HDAC9: variants seen among roughly 807,000 people sequenced by gnomAD.
The protein encoded by HDAC9 is MEF-2 interacting transcription repressor (MITR) protein.
HDAC9 carries 41 observed loss-of-function variants against 139.4 expected under a neutral mutation model. The ratio of observed to expected loss-of-function variants is 0.29; its 90% CI spans 0.23 to 0.38. The LOEUF is 0.38. HDAC9 is among the 10% of genes least tolerant of loss of function. The probability of loss-of-function intolerance (pLI) is 1.00; values close to 1 mark genes in which losing one functional copy is unlikely to be tolerated. For synonymous variants in HDAC9, 517 were observed against 476.2 expected (o/e 1.09, Z -1.12); for missense variants, 1,147 against 1,297.0 (o/e 0.88, Z 1.78).
chr7:18,931,581 C>G (rs1452967521), intron 22 of HDAC9, among the ~76,000 whole-genome samples: 1 of 152,138 alleles, frequency 6.6e-6, no homozygotes, highest in East Asian at 1.9e-4. Flanking sequence ...TCATCCTGTT[C>G]ATGGTGAACA....
At chr7:18,382,453 A>G (rs372785905) in intron 1 of HDAC9, among the ~76,000 whole-genome samples, 20 of 152,382 alleles carry the variant, frequency 1.3e-4, no homozygotes, top group Admixed American at 1.2e-3. Flanking sequence ...ATTTTATTTC[A>G]AGGAACAGGG....
intron 2 of HDAC9, among the ~76,000 whole-genome samples, chr7:18,269,986 T>G (rs1396589470): frequency 6.6e-6 from 1 of 152,046 alleles, no homozygotes; most frequent in African/African-American, 2.4e-5. Flanking sequence ...ACTGATATAT[T>G]GGGCTGGATA....
At chr7:18,688,354 G>A (rs1270446374) in intron 12 of HDAC9, among the ~76,000 whole-genome samples, 1 of 151,640 alleles carries the variant, frequency 6.6e-6, no homozygotes, top group African/African-American at 2.4e-5. Flanking sequence ...AATGATGAAG[G>A]TTCCATTTCT....
intron 6 of HDAC9, among the ~76,000 whole-genome samples, chr7:18,613,598 A>G (rs1017549069): frequency 2.0e-5 from 3 of 152,172 alleles, no homozygotes; most frequent in African/African-American, 4.8e-5. Context: ...TGTTGTGGCT[A>G]TAATTTTTTT....
At chr7:18,594,111 T>C (rs1831778250) in intron 6 of HDAC9, 82 bp downstream of exon 6, 2 of 1,484,500 alleles carry the variant, frequency 1.3e-6, no homozygotes, top group Admixed American at 1.8e-5. Flanking sequence ...TAGAAGAAAG[T>C]CAAAGGATTT....
intron 1 of HDAC9, among the ~76,000 whole-genome samples, chr7:18,411,609 T>C (rs1380098930): frequency 3.9e-5 from 6 of 152,138 alleles, no homozygotes; most frequent in Non-Finnish European, 5.9e-5. Context: ...TCTCCTGACC[T>C]CGTGATCTGC....
At chr7:18,468,271 A>C (rs1794457263) in intron 1 of HDAC9, among the ~76,000 whole-genome samples, 1 of 152,184 alleles carries the variant, frequency 6.6e-6, no homozygotes, top group African/African-American at 2.4e-5. Flanking sequence ...AATCATTTAG[A>C]ATTCTTCTGT....
chr7:18,720,443 A>C (rs191083538), intron 12 of HDAC9, among the ~76,000 whole-genome samples: 1 of 151,642 alleles, frequency 6.6e-6, no homozygotes, highest in African/African-American at 2.4e-5. Context: ...TAGTGTCATT[A>C]ACGGCTTTCT....
chr7:18,311,041 C>G (rs1302077684), intron 1 of HDAC9, among the ~76,000 whole-genome samples: 1 of 151,724 alleles, frequency 6.6e-6, no homozygotes, highest in Admixed American at 6.6e-5. Context: ...ACTTTTTGCT[C>G]ACATCAATTT....
intron 6 of HDAC9, among the ~76,000 whole-genome samples, chr7:18,608,237 A>G (rs1836080843): frequency 6.6e-6 from 1 of 152,240 alleles, no homozygotes; most frequent in Admixed American, 6.5e-5. Context: ...CCTCTAACTC[A>G]GTTACTTTAA....
chr7:18,623,446 T>G (rs2128951963), intron 6 of HDAC9, among the ~76,000 whole-genome samples: 1 of 152,306 alleles, frequency 6.6e-6, no homozygotes, highest in South Asian at 2.1e-4. Flanking sequence ...TTGTTTAATT[T>G]TAACATAACT....
intron 8 of HDAC9, among the ~76,000 whole-genome samples, chr7:18,638,292 A>G (rs985448580): frequency 2.6e-5 from 4 of 152,106 alleles, no homozygotes; most frequent in Non-Finnish European, 4.4e-5. Context: ...AAGTCAGGCT[A>G]TATCTAAAGA....
chr7:18,723,825 C>T (rs942829791), intron 12 of HDAC9, among the ~76,000 whole-genome samples: 8 of 151,966 alleles, frequency 5.3e-5, no homozygotes, highest in Admixed American at 2.0e-4. Flanking sequence ...AAAACATGGC[C>T]ATGTGATAAA....
chr7:18,866,369 A>G (rs1395387713), intron 21 of HDAC9, among the ~76,000 whole-genome samples: 1 of 152,108 alleles, frequency 6.6e-6, no homozygotes, highest in Non-Finnish European at 1.5e-5. Context: ...CCATGAAGGC[A>G]AGAGATCAGG....
At chr7:18,785,105 T>C (rs115934124) in intron 16 of HDAC9, among the ~76,000 whole-genome samples, 1,956 of 152,164 alleles carry the variant, frequency 0.013, 43 homozygotes, top group African/African-American at 0.045. Context: ...TACTTTCCTT[T>C]GGCGTATTAA....
At chr7:18,654,481 C>G (rs1444297926) in intron 11 of HDAC9, among the ~76,000 whole-genome samples, 1 of 152,070 alleles carries the variant, frequency 6.6e-6, no homozygotes, top group Non-Finnish European at 1.5e-5. Context: ...CTTAACAACT[C>G]ACTCTTTTTT....
chr7:18,226,878 A>G (rs1793090971), intron 2 of HDAC9, among the ~76,000 whole-genome samples: 1 of 152,188 alleles, frequency 6.6e-6, no homozygotes. Flanking sequence ...GGGCAACAGA[A>G]ACATTTGAAG....
intron 1 of HDAC9, among the ~76,000 whole-genome samples, chr7:18,414,454 TATCTC>T (rs1449995781): frequency 1.3e-5 from 2 of 152,120 alleles, no homozygotes; most frequent in Non-Finnish European, 2.9e-5. Context: ...GTAAATAACT[TATCTC>T]AGCCTAACTA....
chr7:18,166,583 A>T (rs1276307637), intron 2 of HDAC9, among the ~76,000 whole-genome samples: 1 of 152,142 alleles, frequency 6.6e-6, no homozygotes, highest in Non-Finnish European at 1.5e-5. Flanking sequence ...AGTATAAACA[A>T]TTTGGGGGCA....
Sources: allele counts gnomAD v4.1 joint callset (sites outside exome capture counted in the v4.1 genomes callset), GRCh38; gene constraint gnomAD v4.1.1; transcripts MANE v1.5; gene names NCBI Gene and HGNC (gene_info 2026-07-23, HGNC 2026-07-21).